Variants in PARP6 observed in about 807,000 individuals in gnomAD.
PARP6 encodes the protein poly(ADP-ribose) polymerase family member 6.
In PARP6, 27 loss-of-function variants were observed where a neutral mutation model predicts 92.0. That is an observed-to-expected ratio of 0.29 (90% confidence interval 0.22 to 0.40). The LOEUF (loss-of-function observed/expected upper bound fraction) is 0.40. PARP6 is among the 10% of genes least tolerant of loss of function. The pLI is 1.00. For missense variants in PARP6, 501 were observed against 784.5 expected (o/e 0.64, Z 4.32); for synonymous variants, 272 against 281.2 (o/e 0.97, Z 0.33).
chr15:72,270,439 C>T (rs1172909163), intron 2 of PARP6, among the ~76,000 whole-genome samples: 1 of 151,540 alleles, frequency 6.6e-6, no homozygotes, highest in Admixed American at 6.6e-5. Context: ...AAATCAGAAG[C>T]TACTCTAATG....
At chr15:72,250,983 GAA>G in intron 17 of PARP6, 29 bp from the exon 18 acceptor site, 1 of 1,521,040 alleles carries the variant, frequency 6.6e-7, no homozygotes, top group Non-Finnish European at 9.1e-7. Context: ...GTGGAATCAG[GAA>G]AACAGAGCAG....
chr15:72,261,817 T>C, intron 8 of PARP6, 110 bp from the exon 9 acceptor site: 2 of 1,024,866 alleles, frequency 2.0e-6, no homozygotes, highest in Non-Finnish European at 2.9e-6. Context: ...CAAAGCTAGT[T>C]GTGGTAGGGG....
At chr15:72,250,297 T>C in intron 18 of PARP6, 2 of 517,630 alleles carry the variant, frequency 3.9e-6, no homozygotes, top group South Asian at 2.4e-5. Context: ...TCCAGTCCCA[T>C]CCTCTCTTCG....
Position 72,242,956 on chromosome 15 carries a change from TA to T in PARP6, c.1562-258del. 1 of 452,190 alleles carries T rather than the reference TA, an allele frequency of 2.2e-6. No individual in the cohort carries two copies. The highest frequency in any genetic ancestry group is 3.9e-6 in the Non-Finnish European group (1 of 256,142). The allele number at this position is 452,190 out of a possible 1,614,324, so 28.0% of individuals were successfully genotyped here. ...GGGCAACTAGCCTAGCCTAAGAGTT[TA>T]AAGAAGTCATGTGGTGACAGCTAGA... On this transcript the variant is annotated intron_variant, in intron 20 of 23. Transcript: ENST00000569795. The surrounding 1 kb of genome is among the most constrained non-coding windows in gnomAD (Gnocchi z 4.3).
intron 20 of PARP6, among the ~76,000 whole-genome samples, chr15:72,248,359 T>G (rs1404254899): frequency 6.6e-6 from 1 of 151,992 alleles, no homozygotes; most frequent in Non-Finnish European, 1.5e-5. Context: ...TTTTTTTTTT[T>G]GAGACGGGGT....
In PARP6 at chr15:72,241,385, G is replaced by C; in HGVS notation, c.*70C>G. 1 of 1,088,820 alleles carries C rather than the reference G, an allele frequency of 9.2e-7. No homozygotes were observed. The highest frequency in any genetic ancestry group is 1.3e-5 in the South Asian group (1 of 79,174). 67.4% of individuals were successfully genotyped at this position (1,088,820 alleles called of 1,614,324 possible). A position where few individuals can be genotyped will look rare whatever the true frequency, so the allele number is the denominator to read the frequency against. On this transcript the variant is annotated 3_prime_UTR_variant, in exon 24 of 24. Transcript: ENST00000569795. This position sits in a 1 kb window ranked among gnomAD's most constrained non-coding sequence, Gnocchi z 4.1. ...ATTCCTCAGGGCAGCCTCAGCTGCT[G>C]TACCTGAACACTTTTATGAGGGCAG...
intron 20 of PARP6, chr15:72,243,908 C>T (rs1201721169): frequency 6.6e-6 from 1 of 152,210 alleles, no homozygotes; most frequent in Non-Finnish European, 1.5e-5. Context: ...TTTCTCATAG[C>T]CATGGTGTAG....
chr15:72,253,701 T>G, intron 15 of PARP6, 197 bp from the exon 16 acceptor site: 1 of 689,844 alleles, frequency 1.4e-6, no homozygotes, highest in Non-Finnish European at 2.6e-6. Flanking sequence ...TGAAAATGAC[T>G]GAAGATGCTT....
intron 20 of PARP6, chr15:72,243,045 G>A (rs765231970): frequency 4.0e-6 from 1 of 251,928 alleles, no homozygotes; most frequent in Non-Finnish European, 7.6e-6. Flanking sequence ...CTGGGAAGAA[G>A]TAATAGGATA....
chr15:72,251,456 T>C (rs1234557877), intron 16 of PARP6: 6 of 436,508 alleles, frequency 1.4e-5, no homozygotes, highest in Middle Eastern at 6.1e-4. Context: ...AAAAGGAAGG[T>C]AGTGACCAGA....
At chr15:72,264,973 G>C (rs997763942) in intron 7 of PARP6, 108 bp downstream of exon 7, 8 of 721,534 alleles carry the variant, frequency 1.1e-5, no homozygotes, top group Non-Finnish European at 9.8e-6. Context: ...ATAGCCTGCA[G>C]ATTGAGCCCA....
At chr15:72,249,407 C>A in intron 19 of PARP6, 93 bp from the exon 20 acceptor site, 1 of 646,112 alleles carries the variant, frequency 1.5e-6, no homozygotes, top group South Asian at 2.2e-5. Context: ...CCCTCTGTCC[C>A]TCCTTCTACC....
At chr15:72,267,878 AG>A (rs2086811110) in intron 2 of PARP6, among the ~76,000 whole-genome samples, 1 of 152,038 alleles carries the variant, frequency 6.6e-6, no homozygotes, top group Non-Finnish European at 1.5e-5. Flanking sequence ...CAGCCTCCCA[AG>A]TAGCTGGAAT....
rs1315409885 is a variant in PARP6, at chr15:72,266,968, G to A, written c.4-146C>T. On this transcript the variant is annotated intron_variant, in intron 3 of 23. Transcript: ENST00000569795. ...GCCCTGATCCCTTTACACCTTTCATGTCACCCTTTGTGAGAGTCTCAGTCT... is the reference window on the plus strand; with the variant it reads ...GCCCTGATCCCTTTACACCTTTCATATCACCCTTTGTGAGAGTCTCAGTCT... 3 of 645,158 alleles carry A rather than the reference G, an allele frequency of 4.7e-6. No homozygotes were observed. The African/African-American group carries it at 5.5e-5, about 12-fold the overall frequency. The allele number at this position is 645,158 out of a possible 1,614,324, so 40.0% of individuals were successfully genotyped here.
intron 15 of PARP6, chr15:72,253,903 T>C: frequency 4.6e-6 from 2 of 435,886 alleles, no homozygotes; most frequent in South Asian, 3.4e-5. Context: ...GTATCTTATG[T>C]GTAAATCTCA....
chr15:72,271,761 CA>C (rs2087465752), intron 1 of PARP6, among the ~76,000 whole-genome samples: 1 of 152,140 alleles, frequency 6.6e-6, no homozygotes, highest in South Asian at 2.1e-4. Flanking sequence ...TGGGCCCTTT[CA>C]AAAGAAGTTG....
intron 20 of PARP6, among the ~76,000 whole-genome samples, chr15:72,248,958 T>C (rs2140933276): frequency 6.6e-6 from 1 of 152,342 alleles, no homozygotes; most frequent in South Asian, 2.1e-4. Context: ...CCAAACGTGT[T>C]CTACAAAAAG....
chr15:72,255,787 T>C (rs1159842647), intron 14 of PARP6, among the ~76,000 whole-genome samples: 2,495 of 7,526 alleles, frequency 0.33, 325 homozygotes, highest in Middle Eastern at 0.5. Flanking sequence ...CTTCTCTCTT[T>C]TTTTTTTTTT....
intron 15 of PARP6, 131 bp downstream of exon 15, chr15:72,254,324 G>A: frequency 1.5e-6 from 1 of 650,814 alleles, no homozygotes; most frequent in Non-Finnish European, 2.7e-6. Context: ...GAAGGTTAAA[G>A]AGGAAAGACT....
Sources: gnomAD v4.1 joint callset for allele counts (sites outside exome capture counted in the v4.1 genomes callset) on GRCh38, gnomAD v4.1.1 for gene constraint, Gnocchi (gnomAD v3.1) non-coding constraint, MANE v1.5 for transcripts, NCBI Gene and HGNC (gene_info 2026-07-23, HGNC 2026-07-21) for gene names.